GTPBP4: variants seen among roughly 807,000 people sequenced by gnomAD.
The protein encoded by GTPBP4 is GTP-binding protein 4.
A neutral mutation model predicts 81.7 loss-of-function variants in GTPBP4; 15 were observed. The observed-to-expected ratio is 0.18, with a 90% confidence interval of 0.12 to 0.28. GTPBP4 has a LOEUF of 0.28. Ranked by LOEUF, GTPBP4 falls within the 10% of genes least tolerant of loss-of-function variation. The pLI is 1.00. For synonymous variants in GTPBP4, 272 were observed against 274.6 expected (o/e 0.99, Z 0.09); for missense variants, 847 against 793.8 (o/e 1.07, Z -0.81).
In GTPBP4 at chr10:1,011,508, C is replaced by T. The variant is rs868593813; in HGVS notation, c.1345-957C>T. On this transcript the variant is annotated intron_variant, in intron 13 of 16. Coordinates refer to ENST00000360803, the MANE Select transcript of GTPBP4 (RefSeq NM_012341.3). ...TCTGGAACATGCTTTTTATACAATA[C>T]TTGCTGTCCTGCCTTCTTCTCTCAG... 4.0e-5 allele frequency among the ~76,000 whole-genome samples: 6 copies of T among 150,692 alleles called. No individual in the cohort carries two copies. The East Asian group carries it at 9.6e-4, about 24-fold the overall frequency.
intron 13 of GTPBP4, chr10:1,012,256 C>T (rs17131848): frequency 0.083 from 33,264 of 400,696 alleles, 1,778 homozygotes; most frequent in Middle Eastern, 0.13. Flanking sequence ...GACTTGCTGG[C>T]GGCTGGCGTT....
At chr10:994,549 A>G (rs1831505659) in intron 2 of GTPBP4, among the ~76,000 whole-genome samples, 1 of 152,176 alleles carries the variant, frequency 6.6e-6, no homozygotes. Context: ...GGGATTACAG[A>G]CATAAGCCAC....
intron 10 of GTPBP4, chr10:1,008,036 A>G (rs775789459): frequency 1.6e-4 from 75 of 480,162 alleles, no homozygotes; most frequent in South Asian, 9.1e-4. Context: ...TGAACTATTA[A>G]CATATATTAA....
intron 13 of GTPBP4, among the ~76,000 whole-genome samples, chr10:1,011,579 A>ATTCTTTTTATACAATACT (rs1831874937): frequency 6.9e-6 from 1 of 145,890 alleles, no homozygotes; most frequent in South Asian, 2.1e-4. Context: ...TGCCATCTGC[A>ATTCTTTTTATACAATACT]TGTCCCATGT....
At chr10:991,933 G>C (rs910979972) in intron 1 of GTPBP4, among the ~76,000 whole-genome samples, 61 of 147,764 alleles carry the variant, frequency 4.1e-4, no homozygotes, top group African/African-American at 1.4e-3. Flanking sequence ...CTGACCTCGT[G>C]ATCCGCCCGC....
intron 5 of GTPBP4, among the ~76,000 whole-genome samples, chr10:998,174 G>A (rs923857199): frequency 4.6e-5 from 7 of 151,886 alleles, no homozygotes; most frequent in East Asian, 3.9e-4. Context: ...GACATGGCTC[G>A]CTGCAGCCTC....
intron 2 of GTPBP4, among the ~76,000 whole-genome samples, chr10:994,981 A>C (rs1831513143): frequency 6.6e-6 from 1 of 152,092 alleles, no homozygotes. Flanking sequence ...GTGCGGGGAG[A>C]GGGTGTCAGG....
intron 10 of GTPBP4, chr10:1,008,320 G>A (rs910511143): frequency 3.3e-5 from 12 of 368,772 alleles, no homozygotes; most frequent in Admixed American, 1.8e-4. Context: ...CGGGAGAATC[G>A]TTTGAACCTG....
At chr10:998,125 G>A (rs557998378) in intron 5 of GTPBP4, among the ~76,000 whole-genome samples, 6 of 151,816 alleles carry the variant, frequency 4.0e-5, no homozygotes, top group Non-Finnish European at 8.8e-5. Context: ...TTTGAGACAG[G>A]GTCTCGCTCT....
rs1365621981 is a variant in GTPBP4 at position 1,000,763 on chromosome 10, C to T, written c.741C>T (p.Leu247=). The part of the protein sequence containing the change: ...EMQAITALAH[L]RAAVLYVMDL... ...AGGCCATCACTGCCCTGGCCCACCT[C>T]CGTGCTGCGGTCCTGTATGTGATGG... is the stretch of plus-strand genomic sequence containing the variant. The change falls in exon 7 of 17, where the codon CTC becomes CTT. Residue 247 remains leucine, a synonymous_variant. Coordinates refer to ENST00000360803, the MANE Select transcript of GTPBP4 (RefSeq NM_012341.3). 5 of 1,607,476 alleles carry T rather than the reference C, an allele frequency of 3.1e-6. No individual in the cohort carries two copies. In the South Asian group the frequency reaches 4.5e-5, roughly 14 times the overall value.
chr10:1,016,330 G>T (rs183936106), intron 16 of GTPBP4, among the ~76,000 whole-genome samples: 1 of 152,230 alleles, frequency 6.6e-6, no homozygotes, highest in African/African-American at 2.4e-5. Flanking sequence ...TTCCCCCCAG[G>T]TGGAGAGCTT....
At chr10:993,142 T>C (rs1459444308) in intron 2 of GTPBP4, among the ~76,000 whole-genome samples, 10 of 152,212 alleles carry the variant, frequency 6.6e-5, no homozygotes, top group Admixed American at 5.9e-4. Context: ...AGTTCAGCAC[T>C]GACTGTTTTC....
intron 2 of GTPBP4, 128 bp from the exon 3 acceptor site, chr10:995,801 G>C: frequency 4.8e-6 from 3 of 623,210 alleles, no homozygotes; most frequent in Non-Finnish European, 8.7e-6. Context: ...AGGGCCCCTG[G>C]CCAGGAGAGG....
Position 1,018,603 on chromosome 10 carries a change from T to C in GTPBP4, c.*1376T>C, listed in dbSNP as rs1832031239. On this transcript the variant is annotated 3_prime_UTR_variant, in exon 17 of 17. Transcript: ENST00000360803. ...GCAGGCGGATCACGAGGTCAGGAGA[T>C]CGAGACCATCCTGGCTAACACGGTG... The C allele has an allele frequency of 6.6e-6, 1 of 151,958 alleles. No individual in the cohort carries two copies. Among genetic ancestry groups the C allele is most frequent in the Non-Finnish European group, 1.5e-5 (1 of 68,036 alleles). The allele number at this position is 151,958 out of a possible 1,614,324, so 9.4% of individuals were successfully genotyped here.
chr10:997,332 G>A, intron 5 of GTPBP4, 24 bp downstream of exon 5: 2 of 1,220,734 alleles, frequency 1.6e-6, no homozygotes, highest in Admixed American at 1.7e-5. Context: ...TTATCGTAAA[G>A]CAAATCATCT....
At position 1,010,489 on chromosome 10, in the gene GTPBP4, T is replaced by C; in HGVS notation, c.1313T>C (p.Ile438Thr). The C allele has an allele frequency of 6.4e-7, 1 of 1,561,510 alleles. No individual in the cohort carries two copies. Among genetic ancestry groups the C allele is most frequent in the Non-Finnish European group, 8.8e-7 (1 of 1,132,052 alleles). The change falls in exon 13 of 17, where the codon ATA becomes ACA. Residue 438 changes from isoleucine (I) to threonine (T), a missense_variant. Ile to Thr is a moderately conservative substitution (Grantham distance 89, BLOSUM62 -1). Transcript: ENST00000360803. ...CCAGAAATCTGGGAAGGCCATAATATAGCTGATTATATTGATCCAGCCATC... is the reference window on the plus strand; with the variant it reads ...CCAGAAATCTGGGAAGGCCATAATACAGCTGATTATATTGATCCAGCCATC... ...KIPEIWEGHN[I>T]ADYIDPAIMK...
intron 4 of GTPBP4, 147 bp from the exon 5 acceptor site, chr10:997,061 A>G: frequency 1.5e-6 from 1 of 667,280 alleles, no homozygotes; most frequent in Admixed American, 2.5e-5. Flanking sequence ...TACTTTCTGC[A>G]ACTATTTTCT....
intron 1 of GTPBP4, among the ~76,000 whole-genome samples, chr10:991,959 T>G (rs946500823): frequency 8.0e-5 from 12 of 150,378 alleles, no homozygotes; most frequent in African/African-American, 2.9e-4. Context: ...CCTCCCAAAG[T>G]GCTGGGATTA....
chr10:1,009,784 C>T (rs1249617972), intron 12 of GTPBP4, among the ~76,000 whole-genome samples: 6 of 152,180 alleles, frequency 3.9e-5, no homozygotes, highest in African/African-American at 1.2e-4. Flanking sequence ...CCCTTATGCC[C>T]AGGAGTTTGA....
Sources: gnomAD v4.1 joint callset for allele counts (sites outside exome capture counted in the v4.1 genomes callset) on GRCh38, gnomAD v4.1.1 for gene constraint, MANE v1.5 for transcripts, NCBI Gene and HGNC (gene_info 2026-07-23, HGNC 2026-07-21) for gene names.